Variants in SLC36A1 observed in about 807,000 individuals in gnomAD.
The protein encoded by SLC36A1 is solute carrier family 36 member 1.
A neutral mutation model predicts 47.5 loss-of-function variants in SLC36A1; 30 were observed. The observed-to-expected ratio is 0.63, with a 90% CI of 0.47 to 0.86. The LOEUF (loss-of-function observed/expected upper bound fraction) is 0.86. SLC36A1 is among the 40% of genes least tolerant of loss of function. The pLI, the probability that SLC36A1 is intolerant of heterozygous loss-of-function variation, is 0.00. For synonymous variants in SLC36A1, 255 were observed against 249.7 expected (o/e 1.02, Z -0.20); for missense variants, 517 against 606.0 (o/e 0.85, Z 1.54).
chr5:151,367,805 C>T, the SLC36A1 span, among the ~76,000 whole-genome samples: 1 of 152,224 alleles, frequency 6.6e-6, no homozygotes, highest in African/African-American at 2.4e-5. Flanking sequence ...CAGCCGGTCC[C>T]TCTGTTCAGG....
the SLC36A1 span, among the ~76,000 whole-genome samples, chr5:151,538,694 T>G: frequency 2.6e-5 from 4 of 152,186 alleles, no homozygotes; most frequent in Admixed American, 2.6e-4. Flanking sequence ...TTTCTCTTTT[T>G]TGAGACAGAG....
chr5:151,555,879 C>T, the SLC36A1 span, among the ~76,000 whole-genome samples: 2 of 152,178 alleles, frequency 1.3e-5, no homozygotes, highest in African/African-American at 4.8e-5. Flanking sequence ...CTCTAGGTCA[C>T]TAACCAAAGC....
chr5:151,364,622 A>G, the SLC36A1 span, among the ~76,000 whole-genome samples: 7 of 152,230 alleles, frequency 4.6e-5, no homozygotes, highest in African/African-American at 1.7e-4. Flanking sequence ...CTAATCCTAA[A>G]AGGAGTAAAT....
chr5:151,383,700 G>A, the SLC36A1 span, among the ~76,000 whole-genome samples: 1 of 150,816 alleles, frequency 6.6e-6, no homozygotes. Flanking sequence ...AGCCTTCCAA[G>A]TAGCTGGAAT....
At chr5:151,545,492 C>T in the SLC36A1 span, 1 of 1,614,166 alleles carries the variant, frequency 6.2e-7, no homozygotes. Flanking sequence ...ACTATTGCTA[C>T]CTCATATATC....
chr5:151,380,413 A>C, the SLC36A1 span: 1 of 399,506 alleles, frequency 2.5e-6, no homozygotes, highest in Non-Finnish European at 5.0e-6. Context: ...GTGGAAACCC[A>C]AAGGAAGAAG....
At chr5:151,386,695 A>G in the SLC36A1 span, among the ~76,000 whole-genome samples, 3 of 152,154 alleles carry the variant, frequency 2.0e-5, no homozygotes, top group African/African-American at 7.2e-5. Flanking sequence ...CGTCTTGAGC[A>G]TTGCACTCAA....
At chr5:151,432,606 A>G (rs73796576), upstream of SLC36A1, among the ~76,000 whole-genome samples, 2,298 of 152,300 alleles carry the variant, frequency 0.015, 46 homozygotes, top group African/African-American at 0.052. Flanking sequence ...AGATGTCATT[A>G]AAGTCTCAAG....
chr5:151,445,043 C>A (rs1034954409), upstream of SLC36A1, among the ~76,000 whole-genome samples: 2 of 151,890 alleles, frequency 1.3e-5, no homozygotes, highest in South Asian at 4.2e-4. Flanking sequence ...GGTGGAAAAG[C>A]TTTCAGTTTT....
chr5:151,484,674 G>A (rs746881497), intron 10 of SLC36A1, among the ~76,000 whole-genome samples: 17 of 152,218 alleles, frequency 1.1e-4, no homozygotes, highest in Non-Finnish European at 2.1e-4. Flanking sequence ...ATGGAGCAGG[G>A]ACTGGTGATA....
chr5:151,384,871 A>T, the SLC36A1 span, among the ~76,000 whole-genome samples: 2 of 152,174 alleles, frequency 1.3e-5, no homozygotes, highest in Admixed American at 6.5e-5. Flanking sequence ...CTGAACAGCC[A>T]GTAGGGGACC....
chr5:151,379,597 G>C, the SLC36A1 span, among the ~76,000 whole-genome samples: 1 of 152,176 alleles, frequency 6.6e-6, no homozygotes, highest in Admixed American at 6.5e-5. Flanking sequence ...CTCCCAAAGT[G>C]CTGGGATTAC....
At chr5:151,417,195 A>G in the SLC36A1 span, among the ~76,000 whole-genome samples, 2 of 152,352 alleles carry the variant, frequency 1.3e-5, no homozygotes, top group South Asian at 2.1e-4. Flanking sequence ...GAAAATGTGG[A>G]AATTATTTTG....
At chr5:151,482,094 G>A (rs1446312563) in intron 10 of SLC36A1, among the ~76,000 whole-genome samples, 1 of 152,140 alleles carries the variant, frequency 6.6e-6, no homozygotes, top group African/African-American at 2.4e-5. Flanking sequence ...CATCCAAGAA[G>A]CCTGTTCAGA....
the SLC36A1 span, among the ~76,000 whole-genome samples, chr5:151,396,348 G>T: frequency 2.0e-5 from 3 of 150,608 alleles, no homozygotes; most frequent in Non-Finnish European, 4.4e-5. Context: ...TGATCCACCC[G>T]TCTCGGCCTG....
the SLC36A1 span, among the ~76,000 whole-genome samples, chr5:151,393,490 C>T: frequency 1.3e-5 from 2 of 152,294 alleles, no homozygotes; most frequent in Admixed American, 1.3e-4. Flanking sequence ...GCAGTTTCTT[C>T]GTAGCATCAA....
chr5:151,513,622 C>CA, the SLC36A1 span, among the ~76,000 whole-genome samples: 308 of 13,162 alleles, frequency 0.023, no homozygotes, highest in Non-Finnish European at 0.04. Context: ...AGGTTAAGGA[C>CA]AAAAAACTAC....
chr5:151,504,070 A>G, the SLC36A1 span: 1 of 152,416 alleles, frequency 6.6e-6, no homozygotes, highest in African/African-American at 2.4e-5. Context: ...CTGACCCCAA[A>G]CAGGCTAAAG....
chr5:151,368,398 G>A, the SLC36A1 span, among the ~76,000 whole-genome samples: 1 of 152,210 alleles, frequency 6.6e-6, no homozygotes, highest in Admixed American at 6.5e-5. Context: ...TAATTAAAAT[G>A]TGTTTTCTTT....
Sources: gnomAD v4.1 joint callset for allele counts (sites outside exome capture counted in the v4.1 genomes callset) on GRCh38, gnomAD v4.1.1 for gene constraint, MANE v1.5 for transcripts, NCBI Gene and HGNC (gene_info 2026-07-23, HGNC 2026-07-21) for gene names.